Variants in HMGA1 observed in about 807,000 individuals in gnomAD.
The protein encoded by HMGA1 is high mobility group protein HMG-I/HMG-Y.
HMGA1 carries 1 observed loss-of-function variant against 15.1 expected under a neutral mutation model. That is an observed-to-expected ratio of 0.07 (90% CI 0.02 to 0.31). The LOEUF (loss-of-function observed/expected upper bound fraction) is 0.31, where lower values mean the gene tolerates loss of function less well. HMGA1 is among the 10% of genes least tolerant of loss of function. HMGA1 has a pLI of 1.00. For synonymous variants in HMGA1, 56 were observed against 54.8 expected, an observed-to-expected ratio of 1.02 and a Z score of -0.10; for missense variants, 94 against 141.4, an observed-to-expected ratio of 0.66 and a Z score of 1.70.
intron 2 of HMGA1, among the ~76,000 whole-genome samples, chr6:34,237,720 G>A (rs1761914652): frequency 6.6e-6 from 1 of 151,440 alleles, no homozygotes; most frequent in South Asian, 2.1e-4. Flanking sequence ...CCCGGGTGAG[G>A]GGCGGGGAGA....
chr6:34,239,097 C>G (rs959939226), intron 2 of HMGA1: 1 of 152,146 alleles, frequency 6.6e-6, no homozygotes, highest in Non-Finnish European at 1.5e-5. Context: ...CACCAACCAC[C>G]TTGTTTAAAA....
rs1471225400 is a variant in HMGA1, at chr6:34,236,942, G to A, written c.-180G>A. The A allele has an allele frequency of 6.6e-6, 1 of 152,554 alleles. No individual in the cohort carries two copies. The highest frequency in any genetic ancestry group is 1.5e-5 in the Non-Finnish European group (1 of 68,070). The allele number at this position is 152,554 out of a possible 1,614,324, so 9.5% of individuals were successfully genotyped here. ...ACTCCGAGCCGGGGCTATTTCTGGCGCTGGCGCGGCTCCAAGAAGGCGTGA... is the reference window on the plus strand; with the variant it reads ...ACTCCGAGCCGGGGCTATTTCTGGCACTGGCGCGGCTCCAAGAAGGCGTGA... On this transcript the variant is annotated 5_prime_UTR_variant, in exon 1 of 6. Coordinates refer to ENST00000311487, the MANE Select transcript of HMGA1 (RefSeq NM_145899.3).
Position 34,240,718 on chromosome 6 carries a change from G to A in HMGA1, c.-44-19G>A, listed in dbSNP as rs1762233958. 1 of 1,596,878 alleles carries A rather than the reference G, an allele frequency of 6.3e-7. No homozygotes were observed. Among genetic ancestry groups the A allele is most frequent in the Admixed American group, 1.7e-5 (1 of 59,934 alleles). On this transcript the variant is annotated intron_variant, in intron 2 of 5. Coordinates refer to ENST00000311487, the MANE Select transcript of HMGA1 (RefSeq NM_145899.3). ...GCTGAAGCGAGATGTTTGTCTAAAA[G>A]CACTTTTCTGTCTCCCAGCATCCCA...
intron 5 of HMGA1, among the ~76,000 whole-genome samples, chr6:34,244,174 T>TG (rs983339997): frequency 2.6e-4 from 26 of 100,152 alleles, no homozygotes; most frequent in Non-Finnish European, 3.6e-4. Context: ...ACTGCTGGGG[T>TG]GGGGGGGTTA....
At chr6:34,241,026 G>C (rs550199410) in intron 3 of HMGA1, 111 bp downstream of exon 3, 5 of 1,266,680 alleles carry the variant, frequency 3.9e-6, no homozygotes, top group Non-Finnish European at 5.6e-6. Flanking sequence ...ATGATTCTGC[G>C]CAGTAAGCGT....
Position 34,245,694 on chromosome 6 carries a change from C to T in HMGA1, c.*810C>T. 4.8e-6 allele frequency: 5 copies of T among 1,039,374 alleles called. No homozygotes were observed. In the South Asian group the frequency reaches 7.7e-5, roughly 16 times the overall value. The allele number at this position is 1,039,374 out of a possible 1,614,324, so 64.4% of individuals were successfully genotyped here. The stretch of plus-strand genomic sequence containing the variant: ...ACCTGAGGTGGGCTGGGGCTGCTCC[C>T]CTAACCCTACTTTGCTTCCGCCACT... On this transcript the variant is annotated 3_prime_UTR_variant, in exon 6 of 6. Coordinates refer to ENST00000311487, the MANE Select transcript of HMGA1 (RefSeq NM_145899.3).
chr6:34,243,165 A>G (rs1762438819), intron 4 of HMGA1, among the ~76,000 whole-genome samples: 1 of 152,150 alleles, frequency 6.6e-6, no homozygotes, highest in Admixed American at 6.5e-5. Context: ...CAGGCAGCAA[A>G]GGCCAGATTC....
chr6:34,238,391 A>G lies in HMGA1; in HGVS notation c.-45+1074A>G, dbSNP rs572910686. ...AGCCCTAGCCGCTAGGCGGGTAGGCAAAGTGTCGGGTTGAAAGGGTCTCCG... is the reference window on the plus strand; with the variant it reads ...AGCCCTAGCCGCTAGGCGGGTAGGCGAAGTGTCGGGTTGAAAGGGTCTCCG... On this transcript the variant is annotated intron_variant, in intron 2 of 5. Coordinates refer to ENST00000311487, the MANE Select transcript of HMGA1 (RefSeq NM_145899.3). Among the ~76,000 whole-genome samples, 16 of 152,218 alleles carry G rather than the reference A, an allele frequency of 1.1e-4. No homozygotes were observed. The East Asian group carries it at 3.1e-3, about 30-fold the overall frequency.
At chr6:34,239,517 C>T (rs573848737) in intron 2 of HMGA1, among the ~76,000 whole-genome samples, 1 of 152,254 alleles carries the variant, frequency 6.6e-6, no homozygotes, top group Non-Finnish European at 1.5e-5. Context: ...TTGAAGCAGT[C>T]AGGAGGTAGT....
At chr6:34,243,608 A>G (rs577351996) in intron 5 of HMGA1, 90 bp downstream of exon 5, 18 of 1,050,028 alleles carry the variant, frequency 1.7e-5, no homozygotes, top group East Asian at 1.5e-4. Context: ...TGCACCCCCT[A>G]TGGAAAGGCT....
At chr6:34,237,596 G>T (rs1761887504) in intron 2 of HMGA1, among the ~76,000 whole-genome samples, 1 of 147,238 alleles carries the variant, frequency 6.8e-6, no homozygotes, top group African/African-American at 2.5e-5. Flanking sequence ...GTGGGGGAGG[G>T]GGCGCGCAGC....
At position 34,245,711 on chromosome 6, in the gene HMGA1, T is replaced by G. The variant is rs932510371; in HGVS notation, c.*827T>G. On this transcript the variant is annotated 3_prime_UTR_variant, in exon 6 of 6. Transcript: ENST00000311487. ...GCTGCTCCCCTAACCCTACTTTGCT[T>G]CCGCCACTCAGCCATTTCCCCCTCC... The G allele has an allele frequency of 2.3e-6, 2 of 855,512 alleles. No individual in the cohort carries two copies. The highest frequency in any genetic ancestry group is 3.4e-6 in the Non-Finnish European group (2 of 596,254). 53.0% of individuals were successfully genotyped at this position (855,512 alleles called of 1,614,324 possible).
At position 34,245,758 on chromosome 6, in the gene HMGA1, A is replaced by T. The variant is rs1762698083; in HGVS notation, c.*874A>T. On this transcript the variant is annotated 3_prime_UTR_variant, in exon 6 of 6. Transcript: ENST00000311487. Reference sequence around the variant, plus strand: ...CTCCTCAGATGGGGCACCAATAACAAGGAGCTCACCCTGCCCGCTCCCAAC... The same window carrying T: ...CTCCTCAGATGGGGCACCAATAACATGGAGCTCACCCTGCCCGCTCCCAAC... 5.9e-6 allele frequency: 3 copies of T among 506,686 alleles called. No homozygotes were observed. Among genetic ancestry groups the T allele is most frequent in the Non-Finnish European group, 6.9e-6 (2 of 288,980 alleles). The allele number at this position is 506,686 out of a possible 1,614,324, so 31.4% of individuals were successfully genotyped here. A position where few individuals can be genotyped will look rare whatever the true frequency, so the allele number is the denominator to read the frequency against.
intron 2 of HMGA1, 88 bp from the exon 3 acceptor site, chr6:34,240,649 T>C: frequency 3.7e-6 from 4 of 1,074,198 alleles, no homozygotes; most frequent in Non-Finnish European, 5.6e-6. Flanking sequence ...CACAGTTTTC[T>C]GCAGTGTGCC....
rs1182233581 is a variant in HMGA1, at chr6:34,240,657, G to T, written c.-44-80G>T. On this transcript the variant is annotated intron_variant, in intron 2 of 5. Coordinates refer to ENST00000311487, the MANE Select transcript of HMGA1 (RefSeq NM_145899.3). ...ATGGGAGCACAGTTTTCTGCAGTGT[G>T]CCTTGAAGGTGTGGGTGATGAGGGG... 3 of 1,128,698 alleles carry T rather than the reference G, an allele frequency of 2.7e-6. No homozygotes were observed. In the East Asian group the frequency reaches 7.6e-5, roughly 29 times the overall value. 69.9% of individuals were successfully genotyped at this position (1,128,698 alleles called of 1,614,324 possible). A position where few individuals can be genotyped will look rare whatever the true frequency, so the allele number is the denominator to read the frequency against.
chr6:34,242,461 C>T (rs1762384051), intron 3 of HMGA1, among the ~76,000 whole-genome samples: 1 of 152,214 alleles, frequency 6.6e-6, no homozygotes, highest in African/African-American at 2.4e-5. Context: ...GAATGCCTTT[C>T]CTAGGGGTCT....
At chr6:34,242,642 G>A (rs2127544173) in intron 3 of HMGA1, 70 bp from the exon 4 acceptor site, 2 of 1,062,260 alleles carry the variant, frequency 1.9e-6, no homozygotes, top group East Asian at 2.6e-5. Context: ...TGAGGAGGCA[G>A]AGGGCTGTGT....
chr6:34,237,538 C>G (rs1761878402), intron 2 of HMGA1, among the ~76,000 whole-genome samples: 1 of 144,400 alleles, frequency 6.9e-6, no homozygotes, highest in African/African-American at 2.5e-5. Context: ...CCCCTTCCCC[C>G]GCGCCGCGGG....
chr6:34,238,652 T>G (rs1372481193), intron 2 of HMGA1: 1 of 152,190 alleles, frequency 6.6e-6, no homozygotes, highest in Non-Finnish European at 1.5e-5. Flanking sequence ...GGGATTGGGG[T>G]TAGGCCCTAA....
Sources: gnomAD v4.1 joint callset for allele counts (sites outside exome capture counted in the v4.1 genomes callset) on GRCh38, gnomAD v4.1.1 for gene constraint, MANE v1.5 for transcripts, NCBI Gene and HGNC (gene_info 2026-07-23, HGNC 2026-07-21) for gene names.